ANKFN1: variants seen among roughly 807,000 people sequenced by gnomAD.
The protein encoded by ANKFN1 is ankyrin repeat and fibronectin type-III domain-containing protein 1.
In ANKFN1, 74 loss-of-function variants were observed where a neutral mutation model predicts 108.7. That is an observed-to-expected ratio of 0.68 (90% confidence interval 0.56 to 0.83). ANKFN1 has a LOEUF of 0.83. ANKFN1 is among the 40% of genes least tolerant of loss of function. The pLI is 0.00. For synonymous variants in ANKFN1, 547 were observed against 516.2 expected (o/e 1.06, Z -0.81); for missense variants, 1,505 against 1,382.3 (o/e 1.09, Z -1.41).
At chr17:56,471,618 G>A (rs2050319669) in intron 15 of ANKFN1, 1 of 152,168 alleles carries the variant, frequency 6.6e-6, no homozygotes, top group Non-Finnish European at 1.5e-5. Context: ...ATTCACAATA[G>A]CCAAACAGTA....
intron 4 of ANKFN1, among the ~76,000 whole-genome samples, chr17:56,088,473 C>A (rs1314966793): frequency 4.0e-5 from 6 of 151,038 alleles, no homozygotes; most frequent in Non-Finnish European, 5.9e-5. Context: ...GCATTGGAAG[C>A]CCCCTGAGGC....
chr17:56,304,882 G>T (rs577301567), intron 3 of ANKFN1, among the ~76,000 whole-genome samples: 2 of 151,546 alleles, frequency 1.3e-5, no homozygotes, highest in Non-Finnish European at 2.9e-5. Flanking sequence ...GGCCATTTCC[G>T]CATTGGAATA....
chr17:56,161,357 AGTAACTGC>A (rs1909639465), intron 1 of ANKFN1, among the ~76,000 whole-genome samples: 1 of 152,198 alleles, frequency 6.6e-6, no homozygotes, highest in Non-Finnish European at 1.5e-5. Context: ...AAGGGGTCCT[AGTAACTGC>A]GTTCAGGGAA....
At chr17:56,240,421 A>G (rs1437026550) in intron 3 of ANKFN1, among the ~76,000 whole-genome samples, 1 of 151,970 alleles carries the variant, frequency 6.6e-6, no homozygotes, top group East Asian at 1.9e-4. Flanking sequence ...ATATATTGCT[A>G]TTTTCATTCA....
intron 3 of ANKFN1, among the ~76,000 whole-genome samples, chr17:56,305,825 G>A (rs755126348): frequency 1.2e-4 from 18 of 152,166 alleles, no homozygotes; most frequent in Non-Finnish European, 2.2e-4. Context: ...TATATAAGAT[G>A]TGAGGCTTAA....
intron 4 of ANKFN1, among the ~76,000 whole-genome samples, chr17:56,096,496 G>A (rs1281946057): frequency 6.6e-6 from 1 of 152,150 alleles, no homozygotes; most frequent in Non-Finnish European, 1.5e-5. Flanking sequence ...TAACCCAAGG[G>A]TAGTATGTTT....
rs912417743 is a variant in ANKFN1 at position 56,501,674 on chromosome 17, C to T, written c.2644+2576C>T. On this transcript the variant is annotated intron_variant, in intron 20 of 20. Coordinates refer to ENST00000682825, the MANE Select transcript of ANKFN1 (RefSeq NM_001370326.1). ...GTTTACATGTGAATGATGTTTGAAGCTAGGAAAATGCTTGGGATTCCCTGG... is the reference window on the plus strand; with the variant it reads ...GTTTACATGTGAATGATGTTTGAAGTTAGGAAAATGCTTGGGATTCCCTGG... Among the ~76,000 whole-genome samples the T allele has an allele frequency of 5.9e-5, 9 of 152,072 alleles. 1 individual carries two copies. Among genetic ancestry groups the T allele is most frequent in the Non-Finnish European group, 1.0e-4 (7 of 68,018 alleles).
chr17:56,230,555 A>G (rs1916658345), intron 3 of ANKFN1, among the ~76,000 whole-genome samples: 1 of 152,086 alleles, frequency 6.6e-6, no homozygotes, highest in Non-Finnish European at 1.5e-5. Context: ...AATTAATGCT[A>G]CACAATAGAA....
At chr17:56,361,794 T>C (rs2144721629) in intron 6 of ANKFN1, among the ~76,000 whole-genome samples, 1 of 152,240 alleles carries the variant, frequency 6.6e-6, no homozygotes, top group South Asian at 2.1e-4. Flanking sequence ...TAGTGGCTAC[T>C]GGCATGAGCC....
intron 1 of ANKFN1, among the ~76,000 whole-genome samples, chr17:56,208,892 A>AT (rs1405700849): frequency 2.0e-5 from 3 of 150,890 alleles, no homozygotes; most frequent in Non-Finnish European, 4.4e-5. Context: ...TATTATTATT[A>AT]TTTTTTTTTA....
intron 3 of ANKFN1, among the ~76,000 whole-genome samples, chr17:56,231,333 G>C (rs1216485713): frequency 6.6e-6 from 1 of 152,048 alleles, no homozygotes; most frequent in African/African-American, 2.4e-5. Flanking sequence ...CCTCATTCTG[G>C]GTGCCTTTTC....
intron 11 of ANKFN1, among the ~76,000 whole-genome samples, chr17:56,451,290 T>C (rs1378486522): frequency 6.6e-6 from 1 of 152,192 alleles, no homozygotes; most frequent in Non-Finnish European, 1.5e-5. Context: ...ACAGTATTAG[T>C]ATTCCAAAGC....
At chr17:56,095,448 C>T (rs540545843) in intron 4 of ANKFN1, among the ~76,000 whole-genome samples, 1 of 151,146 alleles carries the variant, frequency 6.6e-6, no homozygotes, top group Non-Finnish European at 1.5e-5. Flanking sequence ...CATGCCGCCA[C>T]ACCCAGCTAA....
intron 15 of ANKFN1, among the ~76,000 whole-genome samples, chr17:56,468,915 T>TA (rs1047469765): frequency 1.3e-5 from 2 of 152,104 alleles, no homozygotes; most frequent in Non-Finnish European, 2.9e-5. Flanking sequence ...AAGAAACATT[T>TA]AAAAAATCAT....
chr17:56,219,848 C>T (rs900995470), intron 2 of ANKFN1, among the ~76,000 whole-genome samples: 3 of 152,190 alleles, frequency 2.0e-5, no homozygotes, highest in African/African-American at 4.8e-5. Flanking sequence ...GAAACCAGTA[C>T]AAACTGTCAG....
rs540279969 is a variant in ANKFN1, at chr17:56,367,330, A to G, written c.602-5316A>G. 6.6e-5 allele frequency among the ~76,000 whole-genome samples: 10 copies of G among 152,320 alleles called. No individual in the cohort carries two copies. The East Asian group carries it at 1.9e-3, about 29-fold the overall frequency. On this transcript the variant is annotated intron_variant, in intron 6 of 20. Transcript: ENST00000682825. Reference sequence around the variant, plus strand: ...GCAAAGTTAAGAAACTGTAAGTAGCAATCCATAGGTTAGATTCTAATGGTG... The same window carrying G: ...GCAAAGTTAAGAAACTGTAAGTAGCGATCCATAGGTTAGATTCTAATGGTG...
intron 1 of ANKFN1, among the ~76,000 whole-genome samples, chr17:56,170,428 A>G (rs549765752): frequency 4.6e-5 from 7 of 152,228 alleles, no homozygotes; most frequent in Admixed American, 2.6e-4. Context: ...ATCAGGAAGT[A>G]TCGGGATGTG....
chr17:56,376,882 G>A (rs765481449), intron 8 of ANKFN1, among the ~76,000 whole-genome samples: 47 of 152,136 alleles, frequency 3.1e-4, no homozygotes, highest in Non-Finnish European at 5.9e-4. Context: ...GTTCTCAAGG[G>A]TTATTTAAAA....
chr17:56,207,673 T>A (rs1434914996), intron 1 of ANKFN1, among the ~76,000 whole-genome samples: 5 of 152,172 alleles, frequency 3.3e-5, no homozygotes, highest in African/African-American at 1.2e-4. Context: ...AGGTGTAATA[T>A]TCTTCCTAAT....
Sources: allele counts gnomAD v4.1 joint callset (sites outside exome capture counted in the v4.1 genomes callset), GRCh38; gene constraint gnomAD v4.1.1; transcripts MANE v1.5; gene names NCBI Gene and HGNC (gene_info 2026-07-23, HGNC 2026-07-21).